Variants in LPP observed in about 807,000 individuals in gnomAD.
LPP encodes the protein LIM domain containing preferred translocation partner in lipoma, also known as lipoma-preferred partner.
A neutral mutation model predicts 60.4 loss-of-function variants in LPP; 38 were observed. That is an observed-to-expected ratio of 0.63 (90% CI 0.49 to 0.83). The LOEUF is 0.83. Among genes scored for constraint, LPP ranks in the 40% least tolerant of loss-of-function variants. The pLI, the probability that LPP is intolerant of heterozygous loss-of-function variation, is 0.00. For synonymous variants in LPP, 328 were observed against 290.8 expected, an observed-to-expected ratio of 1.13 and a Z score of -1.30; for missense variants, 902 against 783.6, an observed-to-expected ratio of 1.15 and a Z score of -1.80.
intron 2 of LPP, among the ~76,000 whole-genome samples, chr3:188,301,493 C>G (rs1310412367): frequency 6.6e-6 from 1 of 152,096 alleles, no homozygotes; most frequent in Non-Finnish European, 1.5e-5. Context: ...GAATGTTTTG[C>G]TAAGAATCAG....
chr3:188,620,559 CAATTGATGAACATT>C (rs1335978295), intron 7 of LPP, among the ~76,000 whole-genome samples: 1 of 152,050 alleles, frequency 6.6e-6, no homozygotes, highest in African/African-American at 2.4e-5. Context: ...ATATTTTCAT[CAATTGATGAACATT>C]TGAGGTTTTT....
At chr3:188,504,895 G>C (rs1459636698) in intron 5 of LPP, among the ~76,000 whole-genome samples, 1 of 151,986 alleles carries the variant, frequency 6.6e-6, no homozygotes. Context: ...TTCTTTATGT[G>C]TGTGATTAAA....
rs11328247 is a variant in LPP, at chr3:188,881,139, CAA to C, written c.*6678_*6679del. 642 of 72,578 alleles carry C rather than the reference CAA, an allele frequency of 8.8e-3. 10 individuals carry two copies. The highest frequency in any genetic ancestry group is 0.053 in the East Asian group (178 of 3,372). 4.5% of individuals were successfully genotyped at this position (72,578 alleles called of 1,614,324 possible). A position where few individuals can be genotyped will look rare whatever the true frequency, so the allele number is the denominator to read the frequency against. ...TGGGCGAAAGAGCGAGACTCCGTCT[CAA>C]AAAAAAAAAAAAAAAAATAGGATCA... On this transcript the variant is annotated 3_prime_UTR_variant, in exon 12 of 12. Transcript: ENST00000617246.
At chr3:188,601,230 A>G (rs2151216033) in intron 6 of LPP, among the ~76,000 whole-genome samples, 1 of 152,234 alleles carries the variant, frequency 6.6e-6, no homozygotes, top group African/African-American at 2.4e-5. Context: ...AATGTATATA[A>G]ACAATCCTCA....
At chr3:188,197,156 TGGGAGCATGGA>T (rs1033157684) in intron 1 of LPP, among the ~76,000 whole-genome samples, 7 of 152,176 alleles carry the variant, frequency 4.6e-5, no homozygotes, top group African/African-American at 1.7e-4. Context: ...CAGGTAGGGA[TGGGAGCATGGA>T]GGGTTCAAGG....
At chr3:188,647,649 C>G (rs917083213) in intron 7 of LPP, among the ~76,000 whole-genome samples, 1 of 152,088 alleles carries the variant, frequency 6.6e-6, no homozygotes, top group Non-Finnish European at 1.5e-5. Flanking sequence ...TTATGGGGAC[C>G]TCAGAACAAG....
intron 2 of LPP, among the ~76,000 whole-genome samples, chr3:188,329,268 A>G (rs185714351): frequency 1.1e-3 from 164 of 152,296 alleles, no homozygotes; most frequent in Admixed American, 1.4e-3. Context: ...ACCTATTGTT[A>G]CTTAACTCTT....
At chr3:188,395,969 A>G (rs1413258821) in intron 3 of LPP, among the ~76,000 whole-genome samples, 1 of 152,084 alleles carries the variant, frequency 6.6e-6, no homozygotes, top group Non-Finnish European at 1.5e-5. Context: ...ATAAATTATA[A>G]TGTCCAAACT....
chr3:188,490,405 C>CT (rs764935543), intron 5 of LPP, among the ~76,000 whole-genome samples: 80 of 151,300 alleles, frequency 5.3e-4, no homozygotes, highest in Non-Finnish European at 7.2e-4. Flanking sequence ...AATCTTTTTT[C>CT]TTTTTTTTTG....
At chr3:188,831,868 A>AAT (rs1560268461) in intron 9 of LPP, among the ~76,000 whole-genome samples, 4 of 151,352 alleles carry the variant, frequency 2.6e-5, no homozygotes, top group African/African-American at 9.7e-5. Context: ...TGAGTATGCT[A>AAT]TACCACCTCC....
rs916105743 is a variant in LPP at position 188,447,799 on chromosome 3, T to C, written c.194-36793T>C. ...TTAGAAGAAAAAAAAAAGGTGACTC[T>C]CCGGGATTCTATAGCAGTATGGCCA... On this transcript the variant is annotated intron_variant, in intron 4 of 11. Coordinates refer to ENST00000617246, the MANE Select transcript of LPP (RefSeq NM_001375462.1). Among the ~76,000 whole-genome samples, 13 of 151,862 alleles carry C rather than the reference T, an allele frequency of 8.6e-5. No homozygotes were observed. In the East Asian group the frequency reaches 2.5e-3, roughly 30 times the overall value.
In LPP at chr3:188,808,967, A is replaced by G. The variant is rs562464229; in HGVS notation, c.1410+48685A>G. 7.2e-5 allele frequency among the ~76,000 whole-genome samples: 11 copies of G among 152,268 alleles called. 1 individual carries two copies. The South Asian group carries it at 2.1e-3, about 29-fold the overall frequency. On this transcript the variant is annotated intron_variant, in intron 9 of 11. Transcript: ENST00000617246. ...CTGTTCCTGTGTTAGTTTGCTGAGG[A>G]TGATGGCTTCCAGCTTCATCCATGT...
At chr3:188,418,012 C>T (rs1239808339) in intron 4 of LPP, among the ~76,000 whole-genome samples, 1 of 152,132 alleles carries the variant, frequency 6.6e-6, no homozygotes, top group Non-Finnish European at 1.5e-5. Context: ...TTCATTACAA[C>T]TTGTAATTTT....
chr3:188,529,574 G>A (rs1334009792), intron 6 of LPP, among the ~76,000 whole-genome samples: 5 of 151,278 alleles, frequency 3.3e-5, no homozygotes, highest in African/African-American at 1.2e-4. Context: ...TTGAAAATAG[G>A]TTTTGCTAAA....
At chr3:188,227,210 A>C (rs956258547) in intron 2 of LPP, among the ~76,000 whole-genome samples, 1 of 150,768 alleles carries the variant, frequency 6.6e-6, no homozygotes, top group African/African-American at 2.4e-5. Context: ...TTTATACTTT[A>C]AGTTTTAGGG....
chr3:188,720,606 TAA>T (rs535969624), intron 8 of LPP, among the ~76,000 whole-genome samples: 4,992 of 127,708 alleles, frequency 0.039, 131 homozygotes, highest in South Asian at 0.12. Context: ...CCGAGGCAAT[TAA>T]AAAAAAAAAA....
intron 8 of LPP, among the ~76,000 whole-genome samples, chr3:188,719,108 T>C (rs1270396453): frequency 6.6e-6 from 1 of 152,196 alleles, no homozygotes; most frequent in Non-Finnish European, 1.5e-5. Flanking sequence ...TTTGCATGTA[T>C]CTTCTGTGAA....
chr3:188,191,039 G>C (rs917748082), intron 1 of LPP, among the ~76,000 whole-genome samples: 4 of 152,178 alleles, frequency 2.6e-5, no homozygotes, highest in African/African-American at 9.7e-5. Flanking sequence ...AGACCAGCCT[G>C]GCCAACATGG....
At chr3:188,449,031 C>T (rs1795981121) in intron 4 of LPP, among the ~76,000 whole-genome samples, 1 of 152,202 alleles carries the variant, frequency 6.6e-6, no homozygotes, top group South Asian at 2.1e-4. Flanking sequence ...AAGTGACACA[C>T]TAGTCAAGGT....
Sources: gnomAD v4.1 joint callset for allele counts (sites outside exome capture counted in the v4.1 genomes callset) on GRCh38, gnomAD v4.1.1 for gene constraint, MANE v1.5 for transcripts, NCBI Gene and HGNC (gene_info 2026-07-23, HGNC 2026-07-21) for gene names.